The following CFAP77 variants were observed in gnomAD, a reference collection of about 807,000 sequenced individuals.
The protein encoded by CFAP77 is cilia- and flagella-associated protein 77.
A neutral mutation model predicts 31.1 loss-of-function variants in CFAP77; 25 were observed. The observed-to-expected ratio is 0.80, with a 90% CI of 0.59 to 1.12. The LOEUF is 1.12. CFAP77 is among the 50% of genes most tolerant of loss of function. The pLI is 0.00. For synonymous variants in CFAP77, 151 were observed against 159.9 expected, an observed-to-expected ratio of 0.94 and a Z score of 0.42; for missense variants, 377 against 397.3, an observed-to-expected ratio of 0.95 and a Z score of 0.44.
rs1852207166 is a variant in CFAP77 at position 132,519,349 on chromosome 9, C to A, written c.525-18252C>A. Among the ~76,000 whole-genome samples, 26 of 68,422 alleles carry A rather than the reference C, an allele frequency of 3.8e-4. No homozygotes were observed. In the South Asian group the frequency reaches 3.9e-3, roughly 10 times the overall value. 44.9% of individuals were successfully genotyped at this position (68,422 alleles called of 152,430 possible). On this transcript the variant is annotated intron_variant, in intron 3 of 5. Coordinates refer to ENST00000393216, the MANE Select transcript of CFAP77 (RefSeq NM_001282957.2). ...ATGGATGGATGGATGGGTGGGTGGG[C>A]AAGTGGGTGGATGGTTGGGTGGATG...
chr9:132,497,266 G>C lies in CFAP77; in HGVS notation c.196-1429G>C, dbSNP rs1851759324. Among the ~76,000 whole-genome samples, 1 of 152,170 alleles carries C rather than the reference G, an allele frequency of 6.6e-6. No individual in the cohort carries two copies. Among genetic ancestry groups the C allele is most frequent in the Non-Finnish European group, 1.5e-5 (1 of 68,032 alleles). On this transcript the variant is annotated intron_variant, in intron 1 of 5. Coordinates refer to ENST00000393216, the MANE Select transcript of CFAP77 (RefSeq NM_001282957.2). The surrounding 1 kb of genome is among the most constrained non-coding windows in gnomAD (Gnocchi z 4.9). Reference sequence around the variant, plus strand: ...GAGGCAGTGATGAGCCACGCTGGGTGGTCCTTGACCATCTGTCTACCTCTC... The same window carrying C: ...GAGGCAGTGATGAGCCACGCTGGGTCGTCCTTGACCATCTGTCTACCTCTC...
chr9:132,541,673 T>C (rs114628325), intron 4 of CFAP77, among the ~76,000 whole-genome samples: 3,393 of 152,186 alleles, frequency 0.022, 140 homozygotes, highest in African/African-American at 0.077. Context: ...CAGCACTGCA[T>C]TTCAGCCTGG....
chr9:132,509,127 G>A (rs1446525028), intron 3 of CFAP77, among the ~76,000 whole-genome samples: 1 of 152,232 alleles, frequency 6.6e-6, no homozygotes, highest in Non-Finnish European at 1.5e-5. Context: ...TTTCCACAGA[G>A]CAAATGGATT....
chr9:132,500,606 A>G (rs552837337), intron 3 of CFAP77, among the ~76,000 whole-genome samples: 1 of 152,338 alleles, frequency 6.6e-6, no homozygotes, highest in East Asian at 1.9e-4. Context: ...CACTCAAGCA[A>G]CTACTACTGA....
chr9:132,483,765 A>G (rs1032396210), intron 1 of CFAP77, among the ~76,000 whole-genome samples: 1 of 152,068 alleles, frequency 6.6e-6, no homozygotes, highest in Admixed American at 6.6e-5. Flanking sequence ...CTCAGAAGAG[A>G]GCACAGTCTC....
intron 1 of CFAP77, among the ~76,000 whole-genome samples, chr9:132,463,611 C>A (rs1269340457): frequency 6.6e-5 from 10 of 152,146 alleles, no homozygotes; most frequent in African/African-American, 4.8e-5. Flanking sequence ...AGTGATACAG[C>A]AGGAAAGGGG....
rs113773116 is a variant in CFAP77, at chr9:132,424,530, A to C, written c.195+14064A>C. Among the ~76,000 whole-genome samples, 48 of 152,160 alleles carry C rather than the reference A, an allele frequency of 3.2e-4. No individual in the cohort carries two copies. The highest frequency in any genetic ancestry group is 7.9e-4 in the Admixed American group (12 of 15,270). ...TAGACAATGGCTAGACAAGGTGAGAAATTGGCTGCCATGAGCTTGGGTGCA... is the reference window on the plus strand; with the variant it reads ...TAGACAATGGCTAGACAAGGTGAGACATTGGCTGCCATGAGCTTGGGTGCA... On this transcript the variant is annotated intron_variant, in intron 1 of 5. Coordinates refer to ENST00000393216, the MANE Select transcript of CFAP77 (RefSeq NM_001282957.2). This position sits in a 1 kb window ranked among gnomAD's most constrained non-coding sequence, Gnocchi z 4.1.
rs576394041 is a variant in CFAP77, at chr9:132,470,137, C to G, written c.196-28558C>G. The stretch of plus-strand genomic sequence containing the variant: ...TACAGGCGTGAGCCACCACACCTGG[C>G]CTTTGCTCCATGATCTTTTAAAGAG... On this transcript the variant is annotated intron_variant, in intron 1 of 5. Coordinates refer to ENST00000393216, the MANE Select transcript of CFAP77 (RefSeq NM_001282957.2). Among the ~76,000 whole-genome samples, 11 of 152,286 alleles carry G rather than the reference C, an allele frequency of 7.2e-5. No individual in the cohort carries two copies. The South Asian group carries it at 1.5e-3, about 20-fold the overall frequency.
intron 3 of CFAP77, among the ~76,000 whole-genome samples, chr9:132,512,974 G>C (rs1177903540): frequency 6.6e-6 from 1 of 151,840 alleles, no homozygotes; most frequent in East Asian, 1.9e-4. Context: ...AGAGATGATA[G>C]GTATAAATGC....
intron 1 of CFAP77, among the ~76,000 whole-genome samples, chr9:132,465,019 A>C (rs2131729582): frequency 6.7e-6 from 1 of 148,564 alleles, no homozygotes; most frequent in East Asian, 2.0e-4. Context: ...GGTTGCAGTG[A>C]GCCAAGATTG....
At chr9:132,425,749 T>C (rs1372758906) in intron 1 of CFAP77, among the ~76,000 whole-genome samples, 2 of 152,204 alleles carry the variant, frequency 1.3e-5, no homozygotes, top group African/African-American at 4.8e-5. Flanking sequence ...GTCACTTACA[T>C]GATATGGGTA....
At chr9:132,562,173 AAC>A (rs1829822753) in intron 5 of CFAP77, among the ~76,000 whole-genome samples, 1 of 152,164 alleles carries the variant, frequency 6.6e-6, no homozygotes, top group South Asian at 2.1e-4. Flanking sequence ...AAACTCATAA[AAC>A]AGTTATCCTT....
chr9:132,515,116 C>T (rs540628251), intron 3 of CFAP77, among the ~76,000 whole-genome samples: 1 of 152,322 alleles, frequency 6.6e-6, no homozygotes, highest in East Asian at 1.9e-4. Context: ...GGGAGGCACC[C>T]TTGTTAAAAT....
At chr9:132,530,276 C>CT (rs770618011) in intron 3 of CFAP77, among the ~76,000 whole-genome samples, 351 of 138,580 alleles carry the variant, frequency 2.5e-3, no homozygotes, top group South Asian at 0.01. Context: ...TGCCAATTTT[C>CT]TTTTTTTTTT....
intron 1 of CFAP77, among the ~76,000 whole-genome samples, chr9:132,469,797 C>T (rs1851220691): frequency 6.6e-6 from 1 of 151,926 alleles, no homozygotes; most frequent in Admixed American, 6.6e-5. Context: ...GGACAACAGT[C>T]CATCTGCAGG....
intron 3 of CFAP77, among the ~76,000 whole-genome samples, chr9:132,535,211 T>C (rs781681204): frequency 6.6e-6 from 1 of 152,236 alleles, no homozygotes; most frequent in African/African-American, 2.4e-5. Flanking sequence ...TTTTTTCTAC[T>C]TCTTTGATTT....
chr9:132,466,023 G>C (rs76246622), intron 1 of CFAP77, among the ~76,000 whole-genome samples: 1 of 152,184 alleles, frequency 6.6e-6, no homozygotes, highest in Non-Finnish European at 1.5e-5. Flanking sequence ...AATCCATGGC[G>C]GGGGAGCTTA....
At chr9:132,489,865 G>T (rs538807148) in intron 1 of CFAP77, among the ~76,000 whole-genome samples, 5 of 152,258 alleles carry the variant, frequency 3.3e-5, no homozygotes, top group African/African-American at 4.8e-5. Context: ...ATTTGGGACC[G>T]AGTCTCGTCA....
intron 1 of CFAP77, among the ~76,000 whole-genome samples, chr9:132,436,169 G>T (rs1850500595): frequency 6.6e-6 from 1 of 152,144 alleles, no homozygotes; most frequent in Non-Finnish European, 1.5e-5. Context: ...AAAATCACAG[G>T]TGCTACCTGG....
Sources: allele counts gnomAD v4.1 joint callset (sites outside exome capture counted in the v4.1 genomes callset), GRCh38; gene constraint gnomAD v4.1.1; non-coding constraint Gnocchi (gnomAD v3.1); transcripts MANE v1.5; gene names NCBI Gene and HGNC (gene_info 2026-07-23, HGNC 2026-07-21).